TMEM117: variants seen among roughly 807,000 people sequenced by gnomAD.
TMEM117 encodes transmembrane protein 117.
A neutral mutation model predicts 52.4 loss-of-function variants in TMEM117; 27 were observed. The ratio of observed to expected loss-of-function variants is 0.51; its 90% CI spans 0.38 to 0.71. The LOEUF (loss-of-function observed/expected upper bound fraction) is 0.71. TMEM117 is among the 30% of genes least tolerant of loss of function. TMEM117 has a pLI of 0.00. For missense variants in TMEM117, 556 were observed against 630.5 expected, an observed-to-expected ratio of 0.88 and a Z score of 1.26; for synonymous variants, 215 against 206.3, an observed-to-expected ratio of 1.04 and a Z score of -0.36.
chr12:44,391,666 T>G (rs1358848282), downstream of TMEM117, among the ~76,000 whole-genome samples: 2 of 152,140 alleles, frequency 1.3e-5, no homozygotes, highest in Non-Finnish European at 2.9e-5. Context: ...CAGCCCAATA[T>G]GAAATATGAG....
chr12:44,055,676 A>G (rs1359773545), intron 3 of TMEM117, among the ~76,000 whole-genome samples: 1 of 152,146 alleles, frequency 6.6e-6, no homozygotes, highest in Non-Finnish European at 1.5e-5. Context: ...TAAAATCAAG[A>G]TTAAATTAGT....
At chr12:43,878,703 A>G (rs960775466) in intron 2 of TMEM117, among the ~76,000 whole-genome samples, 2 of 152,210 alleles carry the variant, frequency 1.3e-5, no homozygotes, top group South Asian at 2.1e-4. Context: ...ATGTCTTAGA[A>G]AATTTTAAGC....
intron 3 of TMEM117, among the ~76,000 whole-genome samples, chr12:44,094,953 C>T (rs7953173): frequency 0.11 from 16,798 of 151,970 alleles, 2,492 homozygotes; most frequent in African/African-American, 0.34. Flanking sequence ...ACGTATGTAC[C>T]GTCATATTTT....
At chr12:44,367,624 A>C (rs1951806654) in intron 6 of TMEM117, among the ~76,000 whole-genome samples, 1 of 152,044 alleles carries the variant, frequency 6.6e-6, no homozygotes. Flanking sequence ...AGATCAATAG[A>C]CTGGTGAGTC....
intron 2 of TMEM117, among the ~76,000 whole-genome samples, chr12:43,894,840 A>T (rs1944170757): frequency 1.4e-5 from 1 of 69,846 alleles, no homozygotes; most frequent in East Asian, 4.9e-4. Flanking sequence ...GACATCACAG[A>T]TTTTCAATGC....
rs1160025038 is a variant in TMEM117 at position 44,083,389 on chromosome 12, GTTTTTTTTTTTTTTTT to G, written c.411-60125_411-60110del. Among the ~76,000 whole-genome samples the G allele has an allele frequency of 1.4e-4, 11 of 80,374 alleles. No individual in the cohort carries two copies. The East Asian group carries it at 3.9e-3, about 29-fold the overall frequency. 52.7% of individuals were successfully genotyped at this position (80,374 alleles called of 152,430 possible). A position where few individuals can be genotyped will look rare whatever the true frequency, so the allele number is the denominator to read the frequency against. On this transcript the variant is annotated intron_variant, in intron 3 of 7. Coordinates refer to ENST00000266534, the MANE Select transcript of TMEM117 (RefSeq NM_032256.3). ...CTTAAATTTGTATTGGGTATTGTTA[GTTTTTTTTTTTTTTTT>G]TTTTTTTTTTAGACATGGTTTCACT...
the TMEM117 span, among the ~76,000 whole-genome samples, chr12:43,810,181 G>T: frequency 2.0e-5 from 3 of 152,176 alleles, no homozygotes; most frequent in Non-Finnish European, 2.9e-5. Flanking sequence ...TTTATAGTGA[G>T]ATTTTCACCC....
At chr12:44,141,168 G>A (rs1948565801) in intron 3 of TMEM117, among the ~76,000 whole-genome samples, 2 of 152,044 alleles carry the variant, frequency 1.3e-5, no homozygotes, top group Non-Finnish European at 1.5e-5. Flanking sequence ...ATGTACAGTA[G>A]CACCACTTCA....
intron 7 of TMEM117, among the ~76,000 whole-genome samples, chr12:44,384,197 C>T (rs1952058041): frequency 1.3e-5 from 2 of 152,120 alleles, no homozygotes; most frequent in South Asian, 4.2e-4. Flanking sequence ...GAAAGATGAA[C>T]ATCCTTCCTC....
intron 4 of TMEM117, among the ~76,000 whole-genome samples, chr12:44,156,866 T>A (rs1302288621): frequency 6.6e-6 from 1 of 152,088 alleles, no homozygotes; most frequent in Non-Finnish European, 1.5e-5. Context: ...AAATGTTACC[T>A]AGCCTCCAGA....
chr12:43,958,722 G>A (rs938552640), intron 3 of TMEM117, among the ~76,000 whole-genome samples: 5 of 152,154 alleles, frequency 3.3e-5, no homozygotes, highest in African/African-American at 2.4e-5. Flanking sequence ...TGACCAGGAC[G>A]ACTGCACCAA....
chr12:44,316,464 G>C (rs1442816126), intron 6 of TMEM117, among the ~76,000 whole-genome samples: 1 of 151,946 alleles, frequency 6.6e-6, no homozygotes, highest in Non-Finnish European at 1.5e-5. Flanking sequence ...TAAATTGATG[G>C]GATTCCATTT....
chr12:44,333,384 C>T (rs1301893736), intron 6 of TMEM117, among the ~76,000 whole-genome samples: 4 of 151,956 alleles, frequency 2.6e-5, no homozygotes, highest in Non-Finnish European at 4.4e-5. Context: ...GAAATAAATA[C>T]ATATTGATAT....
chr12:43,933,448 G>T (rs1435135975), intron 2 of TMEM117, among the ~76,000 whole-genome samples: 2 of 152,008 alleles, frequency 1.3e-5, no homozygotes, highest in Non-Finnish European at 2.9e-5. Flanking sequence ...TGATCTGCCC[G>T]CCTCGGCCTT....
At chr12:44,183,050 A>G (rs1949227287) in intron 4 of TMEM117, among the ~76,000 whole-genome samples, 1 of 152,178 alleles carries the variant, frequency 6.6e-6, no homozygotes, top group Admixed American at 6.5e-5. Flanking sequence ...TCACACATGC[A>G]TACAGAGGCA....
chr12:44,168,741 T>G (rs1795798955), intron 4 of TMEM117, among the ~76,000 whole-genome samples: 1 of 152,222 alleles, frequency 6.6e-6, no homozygotes, highest in African/African-American at 2.4e-5. Flanking sequence ...TTAAACATTT[T>G]TAAGTGTAGA....
intron 3 of TMEM117, chr12:44,073,776 G>C (rs772043562): frequency 1.3e-5 from 2 of 152,188 alleles, no homozygotes; most frequent in African/African-American, 4.8e-5. Flanking sequence ...TTTGCAAGTT[G>C]ATGTCCAGTG....
chr12:44,009,247 C>T, intron 3 of TMEM117: 1 of 276,386 alleles, frequency 3.6e-6, no homozygotes. Context: ...TGATATTTTG[C>T]ATCCTAGCAT....
rs375448675 is a variant in TMEM117, at chr12:43,933,291, C to A, written c.278-10919C>A. Among the ~76,000 whole-genome samples, 182 of 151,956 alleles carry A rather than the reference C, an allele frequency of 1.2e-3. 1 individual carries two copies. The highest frequency in any genetic ancestry group is 3.7e-3 in the African/African-American group (155 of 41,426). On this transcript the variant is annotated intron_variant, in intron 2 of 7. Coordinates refer to ENST00000266534, the MANE Select transcript of TMEM117 (RefSeq NM_032256.3). ...CTCGGCTCACTGCAGGCTCCGCCCC[C>A]CAGGGTTCACGCCATTCTCCTGCCT...
Sources: gnomAD v4.1 joint callset for allele counts (sites outside exome capture counted in the v4.1 genomes callset) on GRCh38, gnomAD v4.1.1 for gene constraint, MANE v1.5 for transcripts, NCBI Gene and HGNC (gene_info 2026-07-23, HGNC 2026-07-21) for gene names.